Variants in PCID2 observed in about 807,000 individuals in gnomAD.
PCID2 encodes PCI domain-containing protein 2.
Under a neutral mutation model 61.3 loss-of-function variants are expected in PCID2, and 41 were observed. The ratio of observed to expected loss-of-function variants is 0.67; its 90% CI spans 0.52 to 0.87. The LOEUF (loss-of-function observed/expected upper bound fraction) is 0.87, where lower values mean the gene tolerates loss of function less well. Among genes scored for constraint, PCID2 ranks in the 40% least tolerant of loss-of-function variants. PCID2 has a pLI of 0.00. For missense variants in PCID2, 392 were observed against 493.4 expected, an observed-to-expected ratio of 0.79 and a Z score of 1.95; for synonymous variants, 187 against 177.8, an observed-to-expected ratio of 1.05 and a Z score of -0.41.
At chr13:113,208,318 G>A in intron 1 of PCID2, 2 of 1,432,936 alleles carry the variant, frequency 1.4e-6, no homozygotes, top group East Asian at 2.5e-5. Context: ...CAGCAAGTGA[G>A]GGCAGCGACC....
chr13:113,178,140 A>G lies in PCID2; in HGVS notation c.*58T>C, dbSNP rs1352444983. On this transcript the variant is annotated 3_prime_UTR_variant, in exon 14 of 14. Coordinates refer to ENST00000337344, the MANE Select transcript of PCID2 (RefSeq NM_001127202.4). ...GTTGCAGTACCGGACCGGTCTCATC[A>G]GCACAACCAAAGTGGAAAGAAACAA... 7.5e-7 allele frequency: 1 copy of G among 1,338,452 alleles called. No individual in the cohort carries two copies. The highest frequency in any genetic ancestry group is 2.3e-5 in the East Asian group (1 of 42,968). 82.9% of individuals were successfully genotyped at this position (1,338,452 alleles called of 1,614,324 possible).
At chr13:113,205,985 C>T (rs1323335948) in intron 1 of PCID2, among the ~76,000 whole-genome samples, 1 of 152,122 alleles carries the variant, frequency 6.6e-6, no homozygotes, top group Admixed American at 6.6e-5. Flanking sequence ...ATGGTGCATT[C>T]AGCATAAGTG....
chr13:113,191,031 C>T (rs1273520792), intron 6 of PCID2, 56 bp from the exon 7 acceptor site: 5 of 1,334,000 alleles, frequency 3.7e-6, no homozygotes, highest in South Asian at 1.3e-5. Flanking sequence ...CTTGCTGTGT[C>T]GTCCAGGCTG....
chr13:113,206,542 T>C (rs2039845228), intron 1 of PCID2, among the ~76,000 whole-genome samples: 1 of 152,240 alleles, frequency 6.6e-6, no homozygotes. Context: ...CTTTGATGAA[T>C]GTGCAAATGA....
the PCID2 span, among the ~76,000 whole-genome samples, chr13:113,167,796 G>T: frequency 6.7e-6 from 1 of 149,488 alleles, no homozygotes; most frequent in Non-Finnish European, 1.5e-5. Context: ...TGTAATTGTC[G>T]ATATGTTTAC....
the PCID2 span, chr13:113,170,550 T>C: frequency 7.0e-7 from 1 of 1,429,620 alleles, no homozygotes; most frequent in South Asian, 1.1e-5. Flanking sequence ...TTATCATGAG[T>C]TTTTATAAAA....
At chr13:113,202,389 C>A (rs1264781830) in intron 1 of PCID2, among the ~76,000 whole-genome samples, 1 of 152,210 alleles carries the variant, frequency 6.6e-6, no homozygotes, top group African/African-American at 2.4e-5. Context: ...AAACAGTAAT[C>A]ACACTGCCAG....
the PCID2 span, among the ~76,000 whole-genome samples, chr13:113,169,971 G>T: frequency 7.2e-5 from 11 of 152,320 alleles, no homozygotes; most frequent in East Asian, 1.9e-3. Context: ...TGGGCTCTCA[G>T]CTTTCTCTCT....
intron 1 of PCID2, 99 bp downstream of exon 1, chr13:113,208,500 G>A: frequency 6.5e-7 from 1 of 1,547,950 alleles, no homozygotes. Flanking sequence ...GGGTGGCGAG[G>A]CGGGAAAGGA....
At chr13:113,202,854 T>C (rs2039531060) in intron 1 of PCID2, among the ~76,000 whole-genome samples, 1 of 152,164 alleles carries the variant, frequency 6.6e-6, no homozygotes, top group Non-Finnish European at 1.5e-5. Context: ...TACAACCCCA[T>C]TCAAGAAATA....
At position 113,180,298 on chromosome 13, in the gene PCID2, A is replaced by G; in HGVS notation, c.787-67T>C. On this transcript the variant is annotated intron_variant, in intron 10 of 13. Transcript: ENST00000337344. The stretch of plus-strand genomic sequence containing the variant: ...ACAAAATTGTCCTTGATAAATATTC[A>G]TATCAAGGAATTAAGTTTTAAGAAA... The G allele has an allele frequency of 3.3e-6, 4 of 1,204,554 alleles. No homozygotes were observed. The East Asian group carries it at 7.0e-5, about 21-fold the overall frequency. The allele number at this position is 1,204,554 out of a possible 1,614,324, so 74.6% of individuals were successfully genotyped here.
chr13:113,188,884 T>TA (rs1452425853), intron 7 of PCID2, among the ~76,000 whole-genome samples: 5 of 152,294 alleles, frequency 3.3e-5, no homozygotes, highest in African/African-American at 1.2e-4. Context: ...CTTTTGAGGC[T>TA]ACAGAGTTTA....
chr13:113,193,966 C>T (rs184998143), intron 6 of PCID2, among the ~76,000 whole-genome samples: 79 of 152,262 alleles, frequency 5.2e-4, no homozygotes, highest in Non-Finnish European at 8.4e-4. Flanking sequence ...GATTAGATCC[C>T]GGACATTTGA....
rs568404962 is a variant in PCID2 at position 113,201,392 on chromosome 13, C to A, written c.37-876G>T. Among the ~76,000 whole-genome samples the A allele has an allele frequency of 3.3e-5, 5 of 152,278 alleles. No homozygotes were observed. The South Asian group carries it at 1.0e-3, about 32-fold the overall frequency. On this transcript the variant is annotated intron_variant, in intron 1 of 13. Coordinates refer to ENST00000337344, the MANE Select transcript of PCID2 (RefSeq NM_001127202.4). ...GAAAGAATGCAGGGCCTGTACCATA[C>A]CACACCAGCTGACTGCGCAGAACGT...
At chr13:113,207,873 T>C (rs750467816) in intron 1 of PCID2, 19 of 717,414 alleles carry the variant, frequency 2.6e-5, no homozygotes, top group Non-Finnish European at 4.2e-5. Flanking sequence ...GTCTTGGTAA[T>C]GTTTCCTTCA....
At position 113,179,884 on chromosome 13, in the gene PCID2, A is replaced by T; in HGVS notation, c.986+33T>A. On this transcript the variant is annotated intron_variant, in intron 12 of 13. Transcript: ENST00000337344. This position sits in a 1 kb window ranked among gnomAD's most constrained non-coding sequence, Gnocchi z 4.3. ...GTCTGACTGCTCTGCCGAGAGCCAC[A>T]CTGGGAGCCCAATGTGCCGGGGAAA... The T allele has an allele frequency of 6.2e-7, 1 of 1,600,028 alleles. No homozygotes were observed. The highest frequency in any genetic ancestry group is 8.5e-7 in the Non-Finnish European group (1 of 1,172,054).
downstream of PCID2, among the ~76,000 whole-genome samples, chr13:113,176,538 A>AATTGCCCCGACAGAACTGTGGG: frequency 1.6e-4 from 8 of 50,748 alleles, no homozygotes; most frequent in Non-Finnish European, 2.3e-4. Context: ...GAGGTGGGGG[A>AATTGCCCCGACAGAACTGTGGG]ATTGCTTTAG....
the PCID2 span, among the ~76,000 whole-genome samples, chr13:113,166,812 G>T: frequency 1.3e-5 from 2 of 152,150 alleles, no homozygotes; most frequent in African/African-American, 4.8e-5. Context: ...TAGTGACAGG[G>T]TCTGGCTCTA....
At chr13:113,204,957 TGCTCCCTGGCTCTG>T (rs2039699480) in intron 1 of PCID2, among the ~76,000 whole-genome samples, 1 of 152,152 alleles carries the variant, frequency 6.6e-6, no homozygotes, top group East Asian at 1.9e-4. Context: ...CACCAGGGGA[TGCTCCCTGGCTCTG>T]GCCCCAGGAA....
Sources: gnomAD v4.1 joint callset for allele counts (sites outside exome capture counted in the v4.1 genomes callset) on GRCh38, gnomAD v4.1.1 for gene constraint, Gnocchi (gnomAD v3.1) non-coding constraint, MANE v1.5 for transcripts, NCBI Gene and HGNC (gene_info 2026-07-23, HGNC 2026-07-21) for gene names.